Variants in ARHGAP35 observed in about 807,000 individuals in gnomAD.
ARHGAP35 encodes rho GTPase-activating protein 35.
ARHGAP35 carries 15 observed loss-of-function variants against 111.1 expected under a neutral mutation model. The observed-to-expected ratio is 0.13, with a 90% CI of 0.09 to 0.21. ARHGAP35 has a LOEUF of 0.21. Ranked by LOEUF, ARHGAP35 falls within the 10% of genes least tolerant of loss-of-function variation. The pLI is 1.00. For synonymous variants in ARHGAP35, 643 were observed against 710.3 expected (o/e 0.91, Z 1.51); for missense variants, 1,262 against 1,873.0 (o/e 0.67, Z 6.02).
chr19:46,935,556 AGGTGGCCTGCGGCCT>A (rs1305719301), intron 2 of ARHGAP35, among the ~76,000 whole-genome samples: 21 of 152,248 alleles, frequency 1.4e-4, no homozygotes, highest in Non-Finnish European at 3.1e-4. Flanking sequence ...GAGAGGGAAT[AGGTGGCCTGCGGCCT>A]GGCGGTTCGT....
chr19:46,961,555 G>A (rs956364830), intron 3 of ARHGAP35, among the ~76,000 whole-genome samples: 1 of 152,138 alleles, frequency 6.6e-6, no homozygotes, highest in Non-Finnish European at 1.5e-5. Flanking sequence ...TTGAATAAAA[G>A]AAGCCAGAAA....
chr19:46,998,122 A>C (rs2056724299), intron 5 of ARHGAP35, among the ~76,000 whole-genome samples: 1 of 152,044 alleles, frequency 6.6e-6, no homozygotes, highest in African/African-American at 2.4e-5. Flanking sequence ...AGAAAAAAGA[A>C]AGAAAAGAAT....
intron 1 of ARHGAP35, among the ~76,000 whole-genome samples, chr19:46,871,687 A>C (rs1430583388): frequency 6.6e-6 from 1 of 151,440 alleles, no homozygotes; most frequent in African/African-American, 2.4e-5. Context: ...ACTTATAAGA[A>C]TCTATAGAGG....
chr19:46,872,821 C>G (rs920780467), intron 1 of ARHGAP35, among the ~76,000 whole-genome samples: 1 of 148,388 alleles, frequency 6.7e-6, no homozygotes, highest in Admixed American at 6.8e-5. Context: ...ACGGAGCTTG[C>G]AGTGAGCCGA....
In ARHGAP35 at chr19:47,000,216, C is replaced by G; in HGVS notation, c.4143-115C>G. 8.7e-7 allele frequency: 1 copy of G among 1,151,294 alleles called. No homozygotes were observed. The allele number at this position is 1,151,294 out of a possible 1,614,324, so 71.3% of individuals were successfully genotyped here. A position where few individuals can be genotyped will look rare whatever the true frequency, so the allele number is the denominator to read the frequency against. ...TACAGAGAGCTGCGCATGGCCTTTT[C>G]TGCTCCACCTGAGGGAAGAAAGGTG... On this transcript the variant is annotated intron_variant, in intron 6 of 6. Transcript: ENST00000672722. This position sits in a 1 kb window ranked among gnomAD's most constrained non-coding sequence, Gnocchi z 6.9.
At position 46,999,616 on chromosome 19, in the gene ARHGAP35, C is replaced by T. The variant is rs933408703; in HGVS notation, c.4142+207C>T. ...CCATCCTCAGGCCTCCCTCCTGCTC[C>T]TGTCTGAGGGCAGCCCACGTGGCCT... On this transcript the variant is annotated intron_variant, in intron 6 of 6. Transcript: ENST00000672722. This position sits in a 1 kb window ranked among gnomAD's most constrained non-coding sequence, Gnocchi z 5.4. The T allele has an allele frequency of 7.0e-6, 4 of 573,684 alleles. No individual in the cohort carries two copies. The highest frequency in any genetic ancestry group is 9.3e-6 in the Non-Finnish European group (3 of 322,284). 35.5% of individuals were successfully genotyped at this position (573,684 alleles called of 1,614,324 possible).
At chr19:46,996,391 C>A (rs1261240698) in intron 5 of ARHGAP35, among the ~76,000 whole-genome samples, 1 of 152,180 alleles carries the variant, frequency 6.6e-6, no homozygotes, top group Non-Finnish European at 1.5e-5. Flanking sequence ...CCTGAGCCAC[C>A]GCGCCCGGCC....
In ARHGAP35 at chr19:46,908,435, A is replaced by G. The variant is rs2056121826; in HGVS notation, c.-188-10053A>G. 1.3e-5 allele frequency among the ~76,000 whole-genome samples: 2 copies of G among 152,072 alleles called. No individual in the cohort carries two copies. On this transcript the variant is annotated intron_variant, in intron 1 of 6. Transcript: ENST00000672722. This position sits in a 1 kb window ranked among gnomAD's most constrained non-coding sequence, Gnocchi z 4.2. ...AATTTCGAATTTGCCTTGGTTTTGT[A>G]TTCCCTTTGACGTAGAATATTTTTA...
In ARHGAP35 at chr19:46,989,783, GA is replaced by G; in HGVS notation, c.4036+110del. 6.5e-7 allele frequency: 1 copy of G among 1,543,624 alleles called. No individual in the cohort carries two copies. Among genetic ancestry groups the G allele is most frequent in the Non-Finnish European group, 8.8e-7 (1 of 1,136,960 alleles). ...ATGCTGGCTGTTAGAGCTGAGGTTT[GA>G]AGGACAGAGGGCAAGGGAATTAACC... On this transcript the variant is annotated intron_variant, in intron 5 of 6. Coordinates refer to ENST00000672722, the MANE Select transcript of ARHGAP35 (RefSeq NM_004491.5). This position sits in a 1 kb window ranked among gnomAD's most constrained non-coding sequence, Gnocchi z 5.3.
intron 1 of ARHGAP35, among the ~76,000 whole-genome samples, chr19:46,900,996 G>A (rs1277643356): frequency 6.6e-6 from 1 of 152,126 alleles, no homozygotes; most frequent in Non-Finnish European, 1.5e-5. Context: ...AGTTTGCTTT[G>A]TAATTGTCTG....
intron 1 of ARHGAP35, among the ~76,000 whole-genome samples, chr19:46,877,183 C>T (rs1019731697): frequency 1.4e-5 from 2 of 138,126 alleles, no homozygotes; most frequent in East Asian, 2.2e-4. Flanking sequence ...AACCAAGAGG[C>T]GGATGTTGCA....
At chr19:46,882,158 A>G (rs2055965773) in intron 1 of ARHGAP35, among the ~76,000 whole-genome samples, 1 of 150,876 alleles carries the variant, frequency 6.6e-6, no homozygotes, top group African/African-American at 2.4e-5. Flanking sequence ...TTTTGAGACA[A>G]GGTTTCGCTC....
At chr19:46,960,868 A>C (rs928823410) in intron 3 of ARHGAP35, among the ~76,000 whole-genome samples, 1 of 149,244 alleles carries the variant, frequency 6.7e-6, no homozygotes, top group Admixed American at 6.7e-5. Flanking sequence ...CCTTTGAAAA[A>C]CTTGACTGGA....
At chr19:46,996,051 G>A (rs918445427) in intron 5 of ARHGAP35, among the ~76,000 whole-genome samples, 4 of 152,196 alleles carry the variant, frequency 2.6e-5, no homozygotes, top group Admixed American at 6.5e-5. Context: ...CTAGGCGTTC[G>A]GCTGAGGTGC....
At chr19:46,963,305 G>C (rs962253035) in intron 3 of ARHGAP35, among the ~76,000 whole-genome samples, 1 of 152,172 alleles carries the variant, frequency 6.6e-6, no homozygotes, top group Non-Finnish European at 1.5e-5. Context: ...TTGCTGGCAC[G>C]CACACACTGT....
chr19:46,923,004 T>C, intron 2 of ARHGAP35, among the ~76,000 whole-genome samples: 1 of 151,580 alleles, frequency 6.6e-6, no homozygotes, highest in East Asian at 1.9e-4. Flanking sequence ...TATTTAGGGA[T>C]CACAAATGGT....
At chr19:46,870,375 C>A (rs549816834) in intron 1 of ARHGAP35, among the ~76,000 whole-genome samples, 1 of 151,604 alleles carries the variant, frequency 6.6e-6, no homozygotes, top group African/African-American at 2.4e-5. Flanking sequence ...GTCAGGAGAT[C>A]GAGACCACCG....
chr19:46,921,079 C>G lies in ARHGAP35; in HGVS notation c.2404C>G (p.Pro802Ala), dbSNP rs2122197939. 1 of 1,613,904 alleles carries G rather than the reference C, an allele frequency of 6.2e-7. No homozygotes were observed. The highest frequency in any genetic ancestry group is 1.7e-5 in the Admixed American group (1 of 59,996). Residue 802 changes from proline (P) to alanine (A), a missense_variant, in exon 2 of 7, where the codon CCT becomes GCT. Physicochemically the swap from Pro to Ala is conservative, Grantham distance 27. This residue lies in a region of ARHGAP35 where 579 missense variants were observed against 716.9 expected (regional missense o/e 0.81). Coordinates refer to ENST00000672722, the MANE Select transcript of ARHGAP35 (RefSeq NM_004491.5). The surrounding 1 kb of genome is among the most constrained non-coding windows in gnomAD (Gnocchi z 4.3). Reference sequence around the variant, plus strand: ...TTTTAGTGCAGATGACATACTTTTTCCTGTCCTTCAGTCCCAAACCTGTAA... The same window carrying G: ...TTTTAGTGCAGATGACATACTTTTTGCTGTCCTTCAGTCCCAAACCTGTAA... ...DPFSADDILF[P>A]VLQSQTCKSS... is the part of the protein sequence containing the mutation.
chr19:46,922,341 A>G lies in ARHGAP35; in HGVS notation c.3666A>G (p.Leu1222=), dbSNP rs1260061018. The change falls in exon 2 of 7, where the codon CTA becomes CTG. Residue 1222 remains leucine, a synonymous_variant. Coordinates refer to ENST00000672722, the MANE Select transcript of ARHGAP35 (RefSeq NM_004491.5). The surrounding 1 kb of genome is among the most constrained non-coding windows in gnomAD (Gnocchi z 4.0). ...DPRRRNILRS[L]RRNTKKPKPK... is the part of the protein sequence containing the mutation. ...GGAGGAGGAATATTCTTCGCAGCCTAAGGAGGAACACTAAGGTAAGACACC... is the reference window on the plus strand; with the variant it reads ...GGAGGAGGAATATTCTTCGCAGCCTGAGGAGGAACACTAAGGTAAGACACC... The G allele has an allele frequency of 1.2e-6, 2 of 1,600,680 alleles. No individual in the cohort carries two copies. The highest frequency in any genetic ancestry group is 1.7e-5 in the Admixed American group (1 of 58,888).
Sources: gnomAD v4.1 joint callset for allele counts (sites outside exome capture counted in the v4.1 genomes callset) on GRCh38, gnomAD v4.1.1 for gene constraint, gnomAD v4.1.1 regional missense constraint, Gnocchi (gnomAD v3.1) non-coding constraint, MANE v1.5 for transcripts, NCBI Gene and HGNC (gene_info 2026-07-23, HGNC 2026-07-21) for gene names.